Variants in RGS17 observed in about 807,000 individuals in gnomAD.
RGS17 encodes the protein regulator of G protein signaling 17, also known as regulator of G-protein signaling 17.
A neutral mutation model predicts 25.5 loss-of-function variants in RGS17; 12 were observed. The ratio of observed to expected loss-of-function variants is 0.47; its 90% confidence interval spans 0.30 to 0.76. The LOEUF (loss-of-function observed/expected upper bound fraction) is 0.76, where lower values mean the gene tolerates loss of function less well. Ranked by LOEUF, RGS17 falls within the 30% of genes least tolerant of loss-of-function variation. RGS17 has a pLI of 0.07. For missense variants in RGS17, 196 were observed against 242.2 expected (o/e 0.81, Z 1.27); for synonymous variants, 71 against 76.9 (o/e 0.92, Z 0.40).
At chr6:153,054,051 GTATATAATA>G (rs1776512691) in intron 1 of RGS17, among the ~76,000 whole-genome samples, 1 of 54,606 alleles carries the variant, frequency 1.8e-5, no homozygotes, top group African/African-American at 8.8e-5. Context: ...ATGTATATAT[GTATATAATA>G]TATATACATA....
At position 153,005,890 on chromosome 6, in the gene RGS17, T is replaced by C. The variant is rs1261862895; in HGVS notation, c.*5684A>G. On this transcript the variant is annotated 3_prime_UTR_variant, in exon 5 of 5. Coordinates refer to ENST00000206262, the MANE Select transcript of RGS17 (RefSeq NM_012419.5). ...AAATCTGAATGAAGTATGAATGTAA[T>C]GATCAATATTGGCTCATTAATGCCC... 2 of 152,240 alleles carry C rather than the reference T, an allele frequency of 1.3e-5. No individual in the cohort carries two copies. Among genetic ancestry groups the C allele is most frequent in the African/African-American group, 4.8e-5 (2 of 41,468 alleles). The allele number at this position is 152,240 out of a possible 1,614,324, so 9.4% of individuals were successfully genotyped here.
chr6:153,048,800 C>T (rs1192609050), intron 1 of RGS17, among the ~76,000 whole-genome samples: 1 of 152,140 alleles, frequency 6.6e-6, no homozygotes, highest in Non-Finnish European at 1.5e-5. Context: ...TGAGCTGTTA[C>T]CCTTTCCTGT....
At chr6:153,102,659 G>A (rs957972368) in intron 1 of RGS17, among the ~76,000 whole-genome samples, 2 of 152,190 alleles carry the variant, frequency 1.3e-5, no homozygotes, top group African/African-American at 4.8e-5. Flanking sequence ...TCTACATGTG[G>A]AGGAATCTAA....
rs1227013227 is a variant in RGS17 at position 153,130,089 on chromosome 6, C to A, written c.-26+1035G>T. ...GCTCGCGAGGAGCAGCTCCCACCCG[C>A]GGCTTCCGAGTCCAGCTCTGTCCCT... On this transcript the variant is annotated intron_variant, in intron 1 of 4. Transcript: ENST00000206262. This position sits in a 1 kb window ranked among gnomAD's most constrained non-coding sequence, Gnocchi z 6.4. Among the ~76,000 whole-genome samples the A allele has an allele frequency of 6.6e-6, 1 of 152,168 alleles. No homozygotes were observed. The highest frequency in any genetic ancestry group is 6.5e-5 in the Admixed American group (1 of 15,286).
intron 2 of RGS17, among the ~76,000 whole-genome samples, chr6:153,035,331 C>T (rs913593151): frequency 6.6e-6 from 1 of 151,956 alleles, no homozygotes; most frequent in Admixed American, 6.6e-5. Flanking sequence ...AGCACCCAGT[C>T]CAGCATGATT....
At chr6:153,097,281 G>GT (rs60871262) in intron 1 of RGS17, among the ~76,000 whole-genome samples, 19 of 124,234 alleles carry the variant, frequency 1.5e-4, no homozygotes, top group Non-Finnish European at 2.2e-4. Flanking sequence ...AGACAATAGC[G>GT]TTTTTTTGAT....
intron 1 of RGS17, among the ~76,000 whole-genome samples, chr6:153,089,307 A>G (rs1185720096): frequency 6.6e-6 from 1 of 152,024 alleles, no homozygotes; most frequent in Non-Finnish European, 1.5e-5. Flanking sequence ...GTTTTTGCCA[A>G]TAGAATCCAA....
At chr6:153,067,184 A>T (rs1481911721) in intron 1 of RGS17, among the ~76,000 whole-genome samples, 1 of 152,200 alleles carries the variant, frequency 6.6e-6, no homozygotes, top group East Asian at 1.9e-4. Flanking sequence ...AAAGCCATAT[A>T]TGACAGAAAC....
intron 2 of RGS17, 137 bp downstream of exon 2, chr6:153,043,763 T>A: frequency 1.7e-6 from 1 of 579,682 alleles, no homozygotes; most frequent in Non-Finnish European, 3.0e-6. Flanking sequence ...AATGATAGTC[T>A]TCAATAAGTC....
chr6:153,031,026 G>A (rs556238811), intron 2 of RGS17, among the ~76,000 whole-genome samples: 64 of 152,258 alleles, frequency 4.2e-4, no homozygotes, highest in Middle Eastern at 3.4e-3. Context: ...CTGGAAAAAG[G>A]GGATCTCATT....
intron 1 of RGS17, among the ~76,000 whole-genome samples, chr6:153,052,039 A>G (rs1584134705): frequency 6.6e-6 from 1 of 152,220 alleles, no homozygotes; most frequent in East Asian, 1.9e-4. Context: ...CTACAAAAAA[A>G]TGATTCAGAG....
intron 2 of RGS17, among the ~76,000 whole-genome samples, chr6:153,041,817 A>T (rs1315505214): frequency 6.6e-6 from 1 of 152,188 alleles, no homozygotes; most frequent in Non-Finnish European, 1.5e-5. Context: ...ATCTTTTTTT[A>T]AAACAGTATT....
intron 2 of RGS17, among the ~76,000 whole-genome samples, chr6:153,040,277 CTG>C (rs1309031226): frequency 6.6e-6 from 1 of 152,150 alleles, no homozygotes; most frequent in Non-Finnish European, 1.5e-5. Context: ...TTGAAAGAAA[CTG>C]TGGAAACATT....
intron 1 of RGS17, among the ~76,000 whole-genome samples, chr6:153,086,711 T>A (rs676199): frequency 0.4 from 60,136 of 152,048 alleles, 12,747 homozygotes; most frequent in Non-Finnish European, 0.48. Flanking sequence ...GAAATTAAGA[T>A]ACAGCGAGGT....
chr6:153,057,986 T>C (rs939381819), intron 1 of RGS17, among the ~76,000 whole-genome samples: 1 of 152,184 alleles, frequency 6.6e-6, no homozygotes, highest in African/African-American at 2.4e-5. Context: ...CACAGACCAA[T>C]ACCTGTCCAT....
chr6:153,077,821 T>A (rs1776905332), intron 1 of RGS17, among the ~76,000 whole-genome samples: 1 of 152,158 alleles, frequency 6.6e-6, no homozygotes, highest in Non-Finnish European at 1.5e-5. Flanking sequence ...TGACCATATA[T>A]CTGTGAGTTT....
At chr6:153,103,641 C>T (rs989772458) in intron 1 of RGS17, among the ~76,000 whole-genome samples, 1 of 152,200 alleles carries the variant, frequency 6.6e-6, no homozygotes, top group Admixed American at 6.5e-5. Flanking sequence ...AAACCAAATG[C>T]CAGCCTATTC....
chr6:153,031,007 G>C (rs966929165), intron 2 of RGS17, among the ~76,000 whole-genome samples: 1 of 152,182 alleles, frequency 6.6e-6, no homozygotes, highest in Non-Finnish European at 1.5e-5. Flanking sequence ...TTGTTTGCCA[G>C]ATGGAGACCT....
chr6:153,103,150 C>A (rs893575718), intron 1 of RGS17, among the ~76,000 whole-genome samples: 6 of 152,128 alleles, frequency 3.9e-5, no homozygotes, highest in African/African-American at 1.4e-4. Flanking sequence ...CAATAAATCA[C>A]AAGATATACA....
Sources: gnomAD v4.1 joint callset for allele counts (sites outside exome capture counted in the v4.1 genomes callset) on GRCh38, gnomAD v4.1.1 for gene constraint, Gnocchi (gnomAD v3.1) non-coding constraint, MANE v1.5 for transcripts, NCBI Gene and HGNC (gene_info 2026-07-23, HGNC 2026-07-21) for gene names.